Variants in GRM7 observed in about 807,000 individuals in gnomAD.
The protein encoded by GRM7 is metabotropic glutamate receptor 7.
A neutral mutation model predicts 84.5 loss-of-function variants in GRM7; 35 were observed. That is an observed-to-expected ratio of 0.41 (90% CI 0.32 to 0.55). The LOEUF is 0.55. GRM7 is among the 20% of genes least tolerant of loss of function. The probability of loss-of-function intolerance (pLI) is 0.19; values close to 1 mark genes in which losing one functional copy is unlikely to be tolerated. For missense variants in GRM7, 1,003 were observed against 1,194.6 expected (o/e 0.84, Z 2.36); for synonymous variants, 487 against 455.1 (o/e 1.07, Z -0.89).
At chr3:7,325,735 C>G (rs1008377967) in intron 4 of GRM7, among the ~76,000 whole-genome samples, 5 of 152,122 alleles carry the variant, frequency 3.3e-5, no homozygotes, top group Admixed American at 6.6e-5. Context: ...ATATGCATCT[C>G]TATATATTGA....
At chr3:7,447,635 G>T (rs6789173) in intron 5 of GRM7, among the ~76,000 whole-genome samples, 3 of 151,814 alleles carry the variant, frequency 2.0e-5, no homozygotes, top group Admixed American at 6.6e-5. Flanking sequence ...TGCGGGGTGC[G>T]TGGGCCGGGT....
chr3:7,321,468 A>C (rs895587907), intron 4 of GRM7, among the ~76,000 whole-genome samples: 4 of 152,086 alleles, frequency 2.6e-5, no homozygotes, highest in Admixed American at 6.6e-5. Context: ...CTAAGGAAAT[A>C]GGTAGTTTTT....
chr3:7,303,831 C>T (rs556955321), intron 3 of GRM7, among the ~76,000 whole-genome samples: 1 of 151,522 alleles, frequency 6.6e-6, no homozygotes, highest in African/African-American at 2.4e-5. Context: ...GAGTTTCTTC[C>T]TCTCACTCTC....
chr3:7,614,030 A>C (rs1471353420), intron 8 of GRM7, among the ~76,000 whole-genome samples: 1 of 152,122 alleles, frequency 6.6e-6, no homozygotes, highest in Admixed American at 6.6e-5. Flanking sequence ...TTGGGAGGCC[A>C]AGGCGAGCTG....
chr3:7,504,068 C>T (rs1223007925), intron 7 of GRM7, among the ~76,000 whole-genome samples: 2 of 152,002 alleles, frequency 1.3e-5, no homozygotes, highest in African/African-American at 4.8e-5. Flanking sequence ...TTAAAATTAT[C>T]TTGGGTAACA....
At chr3:7,329,685 G>C (rs571158526) in intron 4 of GRM7, among the ~76,000 whole-genome samples, 4 of 152,124 alleles carry the variant, frequency 2.6e-5, no homozygotes, top group African/African-American at 9.7e-5. Context: ...TATACCTGGT[G>C]TGTCTCATCT....
At chr3:7,420,308 A>G (rs961155075) in intron 5 of GRM7, among the ~76,000 whole-genome samples, 2 of 152,152 alleles carry the variant, frequency 1.3e-5, no homozygotes, top group Non-Finnish European at 2.9e-5. Context: ...TCATTTTATT[A>G]TTCTATTCTG....
chr3:7,644,969 G>A (rs990669119), intron 8 of GRM7, among the ~76,000 whole-genome samples: 2 of 152,052 alleles, frequency 1.3e-5, no homozygotes, highest in Non-Finnish European at 2.9e-5. Context: ...GACTGCCCTT[G>A]AAGCTTCATT....
At chr3:7,525,803 T>G (rs1448704106) in intron 7 of GRM7, among the ~76,000 whole-genome samples, 1 of 152,080 alleles carries the variant, frequency 6.6e-6, no homozygotes, top group Non-Finnish European at 1.5e-5. Flanking sequence ...TGAGAACATG[T>G]GATATTTGGT....
At chr3:6,942,932 A>G (rs963415439) in intron 1 of GRM7, among the ~76,000 whole-genome samples, 1 of 152,176 alleles carries the variant, frequency 6.6e-6, no homozygotes, top group African/African-American at 2.4e-5. Flanking sequence ...GCATGGAGTG[A>G]TATCTCATTG....
intron 9 of GRM7, among the ~76,000 whole-genome samples, chr3:7,690,550 A>G (rs969067409): frequency 6.6e-6 from 1 of 152,224 alleles, no homozygotes; most frequent in African/African-American, 2.4e-5. Context: ...GTGTAGTTGT[A>G]ATGTACAGCT....
intron 1 of GRM7, among the ~76,000 whole-genome samples, chr3:7,032,070 T>C (rs1696208849): frequency 1.3e-5 from 2 of 152,188 alleles, no homozygotes. Flanking sequence ...GTGCCTAATA[T>C]CCTAAAACAC....
chr3:7,120,503 C>G (rs1693181465), intron 1 of GRM7, among the ~76,000 whole-genome samples: 1 of 152,036 alleles, frequency 6.6e-6, no homozygotes, highest in Non-Finnish European at 1.5e-5. Context: ...CATTTTGTAT[C>G]AGGCATTTAT....
chr3:6,999,060 C>G (rs1221422800), intron 1 of GRM7, among the ~76,000 whole-genome samples: 1 of 152,182 alleles, frequency 6.6e-6, no homozygotes, highest in Non-Finnish European at 1.5e-5. Flanking sequence ...ATTGCATTGT[C>G]AGGCTGCAAA....
chr3:7,385,129 A>G (rs997309295), intron 4 of GRM7, among the ~76,000 whole-genome samples: 7 of 152,070 alleles, frequency 4.6e-5, no homozygotes, highest in Non-Finnish European at 5.9e-5. Context: ...AGCCTTTCTC[A>G]TCAAAATAAG....
chr3:7,094,219 A>T (rs1385835682), intron 1 of GRM7, among the ~76,000 whole-genome samples: 1 of 152,182 alleles, frequency 6.6e-6, no homozygotes, highest in Non-Finnish European at 1.5e-5. Flanking sequence ...AAGCGAAGCA[A>T]GCTGGAAAAA....
At chr3:7,018,942 C>T (rs999806015) in intron 1 of GRM7, among the ~76,000 whole-genome samples, 12 of 152,086 alleles carry the variant, frequency 7.9e-5, no homozygotes, top group Non-Finnish European at 1.5e-4. Flanking sequence ...ACTAAAAATA[C>T]AAAAATTAGC....
chr3:7,636,023 C>CTAAAT (rs1287102395), intron 8 of GRM7, among the ~76,000 whole-genome samples: 1 of 152,138 alleles, frequency 6.6e-6, no homozygotes, highest in Non-Finnish European at 1.5e-5. Context: ...AAAAGCACAT[C>CTAAAT]TAAATTATTA....
In GRM7 at chr3:7,201,198, T is replaced by C. The variant is rs965825092; in HGVS notation, c.736+54530T>C. ...GTTAGCCAGGATGGTCTCGATCTTCTGACCTCGTGATCTGCCCGCCTCGGC... is the reference window on the plus strand; with the variant it reads ...GTTAGCCAGGATGGTCTCGATCTTCCGACCTCGTGATCTGCCCGCCTCGGC... On this transcript the variant is annotated intron_variant, in intron 2 of 9. Transcript: ENST00000357716. Among the ~76,000 whole-genome samples the C allele has an allele frequency of 1.1e-4, 16 of 152,204 alleles. No individual in the cohort carries two copies. In the South Asian group the frequency reaches 1.7e-3, roughly 16 times the overall value.
Sources: gnomAD v4.1 joint callset for allele counts (sites outside exome capture counted in the v4.1 genomes callset) on GRCh38, gnomAD v4.1.1 for gene constraint, MANE v1.5 for transcripts, NCBI Gene and HGNC (gene_info 2026-07-23, HGNC 2026-07-21) for gene names.